Variants in CFAP210 observed in about 807,000 individuals in gnomAD.
CFAP210 encodes the protein cilia- and flagella- associated protein 210.
the CFAP210 span, among the ~76,000 whole-genome samples, chr2:169,670,561 T>C: frequency 1.3e-5 from 2 of 152,204 alleles, no homozygotes; most frequent in African/African-American, 4.8e-5. Context: ...CTTAGTTGGA[T>C]GGTTCTCAAC....
At chr2:169,649,349 A>C in the CFAP210 span, 1 of 1,607,770 alleles carries the variant, frequency 6.2e-7, no homozygotes, top group Non-Finnish European at 8.5e-7. Context: ...TTTTTCATCT[A>C]GATGTTTAAA....
At chr2:169,685,818 T>C in the CFAP210 span, among the ~76,000 whole-genome samples, 7 of 152,130 alleles carry the variant, frequency 4.6e-5, no homozygotes, top group African/African-American at 1.7e-4. Flanking sequence ...GGAGTCAAAA[T>C]TCATTATTTT....
At chr2:169,670,749 T>C in the CFAP210 span, among the ~76,000 whole-genome samples, 2 of 152,228 alleles carry the variant, frequency 1.3e-5, no homozygotes, top group East Asian at 3.9e-4. Flanking sequence ...CAATGAGCAA[T>C]CCATGGGAGA....
the CFAP210 span, among the ~76,000 whole-genome samples, chr2:169,684,164 A>T: frequency 2.0e-5 from 3 of 152,152 alleles, no homozygotes; most frequent in Non-Finnish European, 4.4e-5. Flanking sequence ...TGAAAGACAG[A>T]GACAGATGGA....
the CFAP210 span, chr2:169,654,336 AT>A: frequency 3.8e-6 from 3 of 793,940 alleles, no homozygotes; most frequent in South Asian, 2.3e-5. Flanking sequence ...TCTCCTGGAA[AT>A]TTTATCCCAA....
At chr2:169,680,250 T>G in the CFAP210 span, among the ~76,000 whole-genome samples, 67 of 152,314 alleles carry the variant, frequency 4.4e-4, 1 homozygote, top group African/African-American at 1.4e-3. Flanking sequence ...AAAGACCAAC[T>G]ATACCAAGTG....
chr2:169,681,269 CG>C, the CFAP210 span: 2 of 1,461,844 alleles, frequency 1.4e-6, no homozygotes, highest in East Asian at 4.9e-5. Context: ...TAAAGACTTA[CG>C]GGAACAGTTT....
the CFAP210 span, chr2:169,650,179 G>T: frequency 2.6e-6 from 2 of 763,162 alleles, no homozygotes; most frequent in Non-Finnish European, 3.7e-6. Context: ...AGTAAACATT[G>T]TCCAATTTCA....
the CFAP210 span, among the ~76,000 whole-genome samples, chr2:169,669,069 A>G: frequency 6.6e-6 from 1 of 152,256 alleles, no homozygotes; most frequent in Non-Finnish European, 1.5e-5. Context: ...TTAAAAAATA[A>G]GAGACTAAGT....
the CFAP210 span, among the ~76,000 whole-genome samples, chr2:169,693,871 C>T: frequency 3.9e-5 from 6 of 152,200 alleles, no homozygotes; most frequent in East Asian, 1.2e-3. Context: ...CTTATATTTC[C>T]AAGAGATATT....
At chr2:169,671,431 C>G in the CFAP210 span, among the ~76,000 whole-genome samples, 1 of 152,196 alleles carries the variant, frequency 6.6e-6, no homozygotes, top group East Asian at 1.9e-4. Flanking sequence ...TCATTACATT[C>G]TAATTATTTG....
chr2:169,678,190 A>G, the CFAP210 span, among the ~76,000 whole-genome samples: 1 of 151,860 alleles, frequency 6.6e-6, no homozygotes, highest in East Asian at 1.9e-4. Flanking sequence ...AAAATACAAA[A>G]TTAGCCAGGC....
the CFAP210 span, chr2:169,680,918 TA>T: frequency 5.4e-6 from 6 of 1,121,072 alleles, no homozygotes; most frequent in Non-Finnish European, 5.2e-6. Flanking sequence ...ATTTTACATG[TA>T]AAAAAATTTA....
chr2:169,662,158 T>A, the CFAP210 span: 1 of 959,226 alleles, frequency 1.0e-6, no homozygotes, highest in Non-Finnish European at 1.6e-6. Flanking sequence ...CATTACATAA[T>A]GTATGCATGG....
the CFAP210 span, among the ~76,000 whole-genome samples, chr2:169,664,314 AT>A: frequency 6.6e-6 from 1 of 152,198 alleles, no homozygotes; most frequent in Admixed American, 6.5e-5. Context: ...ATACTTTAAA[AT>A]TTTTCAGCTT....
At chr2:169,645,932 T>A in the CFAP210 span, 4 of 1,613,840 alleles carry the variant, frequency 2.5e-6, no homozygotes, top group Non-Finnish European at 3.4e-6. Flanking sequence ...TCCAGTAACA[T>A]CATTTGCCTG....
the CFAP210 span, among the ~76,000 whole-genome samples, chr2:169,691,995 G>A: frequency 2.0e-5 from 3 of 152,102 alleles, no homozygotes; most frequent in Admixed American, 6.5e-5. Context: ...TTCAATGCTC[G>A]GGCAGGCAAT....
chr2:169,688,806 C>G, the CFAP210 span, among the ~76,000 whole-genome samples: 1 of 152,214 alleles, frequency 6.6e-6, no homozygotes, highest in African/African-American at 2.4e-5. Flanking sequence ...CTGAGCTCTT[C>G]AAACTGTTCC....
the CFAP210 span, among the ~76,000 whole-genome samples, chr2:169,655,619 A>T: frequency 6.6e-6 from 1 of 152,202 alleles, no homozygotes; most frequent in Admixed American, 6.5e-5. Flanking sequence ...TACAGATTTG[A>T]TTAACACAGA....
Sources: allele counts gnomAD v4.1 joint callset (sites outside exome capture counted in the v4.1 genomes callset), GRCh38; gene constraint gnomAD v4.1.1; transcripts MANE v1.5; gene names NCBI Gene and HGNC (gene_info 2026-07-23, HGNC 2026-07-21).